Variants in MTAP observed in about 807,000 individuals in gnomAD.
MTAP encodes the protein methylthioadenosine phosphorylase.
A neutral mutation model predicts 33.6 loss-of-function variants in MTAP; 33 were observed. The observed-to-expected ratio is 0.98, with a 90% CI of 0.74 to 1.31. The LOEUF (loss-of-function observed/expected upper bound fraction) is 1.31. MTAP is among the 40% of genes most tolerant of loss of function. The pLI is 0.00. For missense variants in MTAP, 367 were observed against 360.0 expected (o/e 1.02, Z -0.16); for synonymous variants, 148 against 125.7 (o/e 1.18, Z -1.19).
chr9:21,821,945 A>T (rs570231727), intron 4 of MTAP, among the ~76,000 whole-genome samples: 11 of 152,324 alleles, frequency 7.2e-5, no homozygotes, highest in African/African-American at 2.6e-4. Context: ...CTCTGATGGT[A>T]GTTTGTATTT....
intron 4 of MTAP, among the ~76,000 whole-genome samples, chr9:21,820,967 A>T (rs1824620974): frequency 6.6e-6 from 1 of 152,196 alleles, no homozygotes; most frequent in Non-Finnish European, 1.5e-5. Flanking sequence ...ATTTTTGCAC[A>T]TTGATTTTGT....
chr9:21,871,321 C>T (rs1037099550), downstream of MTAP, among the ~76,000 whole-genome samples: 2 of 152,212 alleles, frequency 1.3e-5, no homozygotes, highest in South Asian at 4.1e-4. Context: ...CAGCTCCAAG[C>T]AGACCAGGCT....
intron 1 of MTAP, among the ~76,000 whole-genome samples, chr9:21,913,725 C>T (rs559513102): frequency 1.3e-5 from 2 of 152,282 alleles, no homozygotes; most frequent in South Asian, 4.1e-4. Flanking sequence ...TGGGCAAGGA[C>T]TTCATGTCTA....
chr9:21,930,960 T>C (rs745535115), intron 1 of MTAP: 2 of 724,242 alleles, frequency 2.8e-6, no homozygotes, highest in African/African-American at 3.4e-5. Context: ...TCAGTCCATG[T>C]CTTCAAAAAT....
At chr9:21,848,061 TC>T (rs1401743432) in intron 5 of MTAP, among the ~76,000 whole-genome samples, 2 of 152,134 alleles carry the variant, frequency 1.3e-5, no homozygotes, top group African/African-American at 2.4e-5. Flanking sequence ...CAGCATCCCC[TC>T]CCTGACCTAT....
At chr9:21,854,480 A>G in intron 5 of MTAP, 151 bp from the exon 6 acceptor site, 4 of 1,032,114 alleles carry the variant, frequency 3.9e-6, no homozygotes, top group Non-Finnish European at 5.4e-6. Flanking sequence ...GTGGTCCTCT[A>G]GGTTTTTTCT....
At chr9:21,884,360 A>T (rs1448347064) in intron 1 of MTAP, among the ~76,000 whole-genome samples, 1 of 152,216 alleles carries the variant, frequency 6.6e-6, no homozygotes, top group Non-Finnish European at 1.5e-5. Flanking sequence ...TATATGATGG[A>T]ATAATAACAT....
chr9:21,877,698 A>G (rs1475262996), intron 1 of MTAP, among the ~76,000 whole-genome samples: 2 of 152,138 alleles, frequency 1.3e-5, no homozygotes, highest in Non-Finnish European at 1.5e-5. Flanking sequence ...TTGCATCCCA[A>G]TAATAAAACC....
At chr9:21,935,031 A>G (rs941904988), downstream of MTAP, 1 of 152,092 alleles carries the variant, frequency 6.6e-6, no homozygotes, top group African/African-American at 2.4e-5. Flanking sequence ...CTTTTGTGAT[A>G]TTTGGCTAAC....
intron 5 of MTAP, among the ~76,000 whole-genome samples, chr9:21,838,998 A>G (rs1215051607): frequency 6.6e-6 from 1 of 152,144 alleles, no homozygotes; most frequent in East Asian, 1.9e-4. Context: ...CAGAAAACCC[A>G]TTTCCTTATA....
chr9:21,900,208 C>T lies in MTAP; in HGVS notation c.148-30800C>T, dbSNP rs113948390. Among the ~76,000 whole-genome samples the T allele has an allele frequency of 2.3e-3, 346 of 152,204 alleles. 1 individual carries two copies. The highest frequency in any genetic ancestry group is 7.5e-3 in the African/African-American group (312 of 41,514). On this transcript the variant is annotated intron_variant, in intron 1 of 1. Transcript: ENST00000577563. ...ACCTAATTAAACTAAAGATCTTCTGCACAGCAAAAGAAACTATAAACAGAT... is the reference window on the plus strand; with the variant it reads ...ACCTAATTAAACTAAAGATCTTCTGTACAGCAAAAGAAACTATAAACAGAT...
chr9:21,891,039 G>A (rs1242855203), intron 1 of MTAP, among the ~76,000 whole-genome samples: 3 of 152,074 alleles, frequency 2.0e-5, no homozygotes, highest in Non-Finnish European at 2.9e-5. Context: ...TCTAGGAACC[G>A]TAGTTTGAGA....
At chr9:21,939,649 A>G (rs1351071771), downstream of MTAP, among the ~76,000 whole-genome samples, 1 of 152,060 alleles carries the variant, frequency 6.6e-6, no homozygotes, top group African/African-American at 2.4e-5. Context: ...TGATCACTTG[A>G]GGCCAAGAGT....
intron 4 of MTAP, among the ~76,000 whole-genome samples, chr9:21,819,523 C>G (rs1824576310): frequency 6.6e-6 from 1 of 152,194 alleles, no homozygotes; most frequent in South Asian, 2.1e-4. Context: ...GCCACATTTT[C>G]TTAATCCAGT....
In MTAP at chr9:21,830,377, TC is replaced by T. The variant is rs376355014; in HGVS notation, c.348-7530del. On this transcript the variant is annotated intron_variant, in intron 4 of 7. Transcript: ENST00000644715. ...CTAGGAGGCTTGTCTGCAGTAGGTTTCTTCAGTGCCTATGCCTCCTGCTGGA... is the reference window on the plus strand; with the variant it reads ...CTAGGAGGCTTGTCTGCAGTAGGTTTTTCAGTGCCTATGCCTCCTGCTGGA... 1.9e-3 allele frequency among the ~76,000 whole-genome samples: 295 copies of T among 152,316 alleles called. 1 individual carries two copies. The highest frequency in any genetic ancestry group is 5.9e-3 in the African/African-American group (247 of 41,576).
At chr9:21,833,884 A>G (rs12349004) in intron 4 of MTAP, among the ~76,000 whole-genome samples, 1,786 of 152,212 alleles carry the variant, frequency 0.012, 32 homozygotes, top group African/African-American at 0.037. Context: ...CAGTCAGTCT[A>G]TTTCTAGGCT....
intron 4 of MTAP, among the ~76,000 whole-genome samples, chr9:21,834,652 T>G (rs1199131468): frequency 6.6e-6 from 1 of 152,226 alleles, no homozygotes; most frequent in Non-Finnish European, 1.5e-5. Context: ...TTGACTCTTC[T>G]GCCTCCGTCT....
chr9:21,823,402 G>C (rs967787147), intron 4 of MTAP, among the ~76,000 whole-genome samples: 1 of 152,118 alleles, frequency 6.6e-6, no homozygotes, highest in Non-Finnish European at 1.5e-5. Flanking sequence ...GAAATTCTGG[G>C]TTGAAAATTC....
intron 1 of MTAP, among the ~76,000 whole-genome samples, chr9:21,914,346 GC>G (rs1226925999): frequency 6.6e-6 from 1 of 152,044 alleles, no homozygotes; most frequent in Non-Finnish European, 1.5e-5. Flanking sequence ...GTTTATTGTG[GC>G]ACTATTCACA....
Sources: allele counts gnomAD v4.1 joint callset (sites outside exome capture counted in the v4.1 genomes callset), GRCh38; gene constraint gnomAD v4.1.1; transcripts MANE v1.5; gene names NCBI Gene and HGNC (gene_info 2026-07-23, HGNC 2026-07-21).